Variants in AMBRA1 observed in about 807,000 individuals in gnomAD.
The protein encoded by AMBRA1 is autophagy and beclin 1 regulator 1.
In AMBRA1, 47 loss-of-function variants were observed where a neutral mutation model predicts 125.4. The ratio of observed to expected loss-of-function variants is 0.37; its 90% confidence interval spans 0.30 to 0.48. The LOEUF (loss-of-function observed/expected upper bound fraction) is 0.48, where lower values mean the gene tolerates loss of function less well. Among genes scored for constraint, AMBRA1 ranks in the 20% least tolerant of loss-of-function variants. The pLI, the probability that AMBRA1 is intolerant of heterozygous loss-of-function variation, is 0.99. For synonymous variants in AMBRA1, 626 were observed against 655.5 expected (o/e 0.95, Z 0.69); for missense variants, 1,331 against 1,693.4 (o/e 0.79, Z 3.76).
chr11:46,573,668 T>TC (rs1001893408), intron 1 of AMBRA1, among the ~76,000 whole-genome samples: 9 of 151,210 alleles, frequency 6.0e-5, no homozygotes, highest in Non-Finnish European at 1.0e-4. Flanking sequence ...TTTTTCTTTT[T>TC]TTTTTTTTTT....
chr11:46,432,683 C>CA (rs1247662859), intron 14 of AMBRA1, among the ~76,000 whole-genome samples: 4 of 152,080 alleles, frequency 2.6e-5, no homozygotes, highest in African/African-American at 9.7e-5. Flanking sequence ...CTAAAGAAGA[C>CA]AAAAAATGGA....
rs1476988366 is a variant in AMBRA1, at chr11:46,518,071, C to T, written c.2073-5258G>A. On this transcript the variant is annotated intron_variant, in intron 7 of 17. Coordinates refer to ENST00000683756, the MANE Select transcript of AMBRA1 (RefSeq NM_001387011.1). ...ATTATTTCAAAATGAAAAACAAAAA[C>T]ATACAACACACAAAAATCTTAAAGT... The T allele has an allele frequency of 3.1e-6, 3 of 967,378 alleles. No homozygotes were observed. The African/African-American group carries it at 5.3e-5, about 17-fold the overall frequency. The allele number at this position is 967,378 out of a possible 1,614,324, so 59.9% of individuals were successfully genotyped here.
chr11:46,546,002 A>G, intron 4 of AMBRA1: 1 of 507,190 alleles, frequency 2.0e-6, no homozygotes, highest in Non-Finnish European at 3.5e-6. Flanking sequence ...ACAATCTACA[A>G]GCATTAAGCA....
At chr11:46,557,764 T>C (rs1192487417) in intron 1 of AMBRA1, among the ~76,000 whole-genome samples, 1 of 151,984 alleles carries the variant, frequency 6.6e-6, no homozygotes. Flanking sequence ...GCCCTGATCA[T>C]GCCACCACAC....
intron 1 of AMBRA1, among the ~76,000 whole-genome samples, chr11:46,585,047 C>T (rs754047159): frequency 6.6e-6 from 1 of 151,454 alleles, no homozygotes; most frequent in Non-Finnish European, 1.5e-5. Flanking sequence ...CCAGCCTGGG[C>T]GACTGTGCTC....
chr11:46,545,672 G>T lies in AMBRA1; in HGVS notation c.483C>A (p.His161Gln), dbSNP rs1952983632. ...LLLIATANEI[H>Q]FWDWSRREPF... is the part of the protein sequence containing the mutation. ...GTTCCCGTCGACTCCAGTCCCAGAA[G>T]TGGATCTCATTGGCAGTGGCAATCA... The change falls in exon 5 of 18, where the codon CAC becomes CAA. Residue 161 changes from histidine to glutamine, a missense_variant. This residue lies in a region of AMBRA1 where 144 missense variants were observed against 250.4 expected (regional missense o/e 0.58). Transcript: ENST00000683756. 1.2e-6 allele frequency: 2 copies of T among 1,614,208 alleles called. No individual in the cohort carries two copies. Among genetic ancestry groups the T allele is most frequent in the Non-Finnish European group, 1.7e-6 (2 of 1,180,030 alleles).
intron 7 of AMBRA1, among the ~76,000 whole-genome samples, chr11:46,528,154 A>T (rs774287976): frequency 2.0e-5 from 3 of 152,172 alleles, no homozygotes; most frequent in Non-Finnish European, 2.9e-5. Context: ...TGATACATAC[A>T]TACAACTTTT....
chr11:46,593,626 C>T (rs191665644), intron 1 of AMBRA1, among the ~76,000 whole-genome samples: 208 of 152,314 alleles, frequency 1.4e-3, no homozygotes, highest in African/African-American at 4.6e-3. Flanking sequence ...CACCGGGAAG[C>T]CCCAGCAACT....
rs191837315 is a variant in AMBRA1 at position 46,408,465 on chromosome 11, G to A, written c.3403+48C>T. Reference sequence around the variant, plus strand: ...CCTGAGTGGGAAGTGGCACTCACTCGGTCTTAGGGTCCCTCTCCCACCCCC... The same window carrying A: ...CCTGAGTGGGAAGTGGCACTCACTCAGTCTTAGGGTCCCTCTCCCACCCCC... On this transcript the variant is annotated intron_variant, in intron 17 of 17. Coordinates refer to ENST00000683756, the MANE Select transcript of AMBRA1 (RefSeq NM_001387011.1). 31 of 1,418,040 alleles carry A rather than the reference G, an allele frequency of 2.2e-5. No homozygotes were observed. The East Asian group carries it at 2.6e-4, about 12-fold the overall frequency. 87.8% of individuals were successfully genotyped at this position (1,418,040 alleles called of 1,614,324 possible). A position where few individuals can be genotyped will look rare whatever the true frequency, so the allele number is the denominator to read the frequency against.
chr11:46,461,144 G>A (rs1303362719), intron 11 of AMBRA1, among the ~76,000 whole-genome samples: 1 of 152,204 alleles, frequency 6.6e-6, no homozygotes, highest in Non-Finnish European at 1.5e-5. Flanking sequence ...TTAGGAGGCT[G>A]AGGTGGAAGG....
At chr11:46,417,127 C>G (rs1056663979) in intron 15 of AMBRA1, among the ~76,000 whole-genome samples, 2 of 151,974 alleles carry the variant, frequency 1.3e-5, no homozygotes, top group African/African-American at 4.8e-5. Context: ...TGTCAGCTCA[C>G]TGCAACCTCT....
intron 1 of AMBRA1, among the ~76,000 whole-genome samples, chr11:46,582,932 C>G (rs1318373736): frequency 6.7e-6 from 1 of 150,016 alleles, no homozygotes; most frequent in African/African-American, 2.5e-5. Flanking sequence ...TATTTCATAA[C>G]TCAAAAAAAA....
intron 5 of AMBRA1, 134 bp from the exon 6 acceptor site, chr11:46,544,175 CTTCCAAAACT>C: frequency 1.5e-6 from 1 of 647,278 alleles, no homozygotes; most frequent in Admixed American, 3.1e-5. Context: ...TCATTCAAGA[CTTCCAAAACT>C]TTCAAAGAGA....
At chr11:46,443,015 C>A (rs1178564884) in intron 12 of AMBRA1, among the ~76,000 whole-genome samples, 6 of 152,228 alleles carry the variant, frequency 3.9e-5, no homozygotes, top group Admixed American at 3.9e-4. Flanking sequence ...AGCCACCGCA[C>A]CCAGCCTGTA....
chr11:46,546,882 C>T (rs1318666700), intron 4 of AMBRA1, among the ~76,000 whole-genome samples: 1 of 151,936 alleles, frequency 6.6e-6, no homozygotes, highest in African/African-American at 2.4e-5. Context: ...ATCAGCCTGG[C>T]CAACATAGTG....
chr11:46,508,299 C>A lies in AMBRA1; in HGVS notation c.2231G>T (p.Arg744Leu). The A allele has an allele frequency of 6.2e-7, 1 of 1,614,178 alleles. No individual in the cohort carries two copies. The highest frequency in any genetic ancestry group is 8.5e-7 in the Non-Finnish European group (1 of 1,180,016). The change falls in exon 9 of 18, where the codon CGC becomes CTC. Residue 744 changes from arginine (R) to leucine (L), a missense_variant. Arg to Leu is a moderately radical substitution (Grantham distance 102). This residue lies in a region of AMBRA1 where 689 missense variants were observed against 776.5 expected (regional missense o/e 0.89). Transcript: ENST00000683756. ...ACGGTTCTGTTGGTAGCGCATGGAG[C>A]GCTGGCGAATACTGTCTCTCCGTGA... ...YLSRRDSIRQ[R>L]SMRYQQNRLR...
intron 1 of AMBRA1, among the ~76,000 whole-genome samples, chr11:46,557,955 G>A (rs564171694): frequency 6.6e-6 from 1 of 151,854 alleles, no homozygotes; most frequent in African/African-American, 2.4e-5. Context: ...CTGGGCGACT[G>A]AGCAAGACTC....
chr11:46,542,299 T>C lies in AMBRA1; in HGVS notation c.1718A>G (p.Asn573Ser). ...GHLNRCRACH[N>S]LLTFNNDTLR... ...GGTATCGTTGTTGAAGGTCAGGAGATTGTGGCAAGCACGACAGCGATTCAG... is the reference window on the plus strand; with the variant it reads ...GGTATCGTTGTTGAAGGTCAGGAGACTGTGGCAAGCACGACAGCGATTCAG... Residue 573 changes from asparagine to serine, a missense_variant, in exon 7 of 18, where the codon AAT (asparagine) becomes AGT (serine). Physicochemically the swap from Asn to Ser is conservative, Grantham distance 46 (BLOSUM62 1). Around this residue, in one of 4 missense-constraint regions of AMBRA1, gnomAD observed 689 missense variants for 776.5 expected, o/e 0.89. Transcript: ENST00000683756. The surrounding 1 kb of genome is among the most constrained non-coding windows in gnomAD (Gnocchi z 5.9). 1.2e-6 allele frequency: 2 copies of C among 1,614,086 alleles called. No individual in the cohort carries two copies. Among genetic ancestry groups the C allele is most frequent in the South Asian group, 1.1e-5 (1 of 91,088 alleles).
intron 12 of AMBRA1, among the ~76,000 whole-genome samples, chr11:46,440,497 TC>T (rs1371765725): frequency 1.3e-5 from 2 of 152,240 alleles, no homozygotes; most frequent in Non-Finnish European, 2.9e-5. Context: ...ACTGTATTAA[TC>T]TTTTATATTT....
Sources: gnomAD v4.1 joint callset for allele counts (sites outside exome capture counted in the v4.1 genomes callset) on GRCh38, gnomAD v4.1.1 for gene constraint, gnomAD v4.1.1 regional missense constraint, Gnocchi (gnomAD v3.1) non-coding constraint, MANE v1.5 for transcripts, NCBI Gene and HGNC (gene_info 2026-07-23, HGNC 2026-07-21) for gene names.